The following USP13 variants were observed in gnomAD, a reference collection of about 807,000 sequenced individuals.
USP13 encodes the protein ubiquitin specific peptidase 13.
Under a neutral mutation model 107.8 loss-of-function variants are expected in USP13, and 68 were observed. The observed-to-expected ratio is 0.63, with a 90% CI of 0.52 to 0.77. The LOEUF (loss-of-function observed/expected upper bound fraction) is 0.77, where lower values mean the gene tolerates loss of function less well. Among genes scored for constraint, USP13 ranks in the 30% least tolerant of loss-of-function variants. USP13 has a pLI of 0.00. For missense variants in USP13, 945 were observed against 1,093.3 expected, an observed-to-expected ratio of 0.86 and a Z score of 1.91; for synonymous variants, 377 against 389.5, an observed-to-expected ratio of 0.97 and a Z score of 0.38.
intron 16 of USP13, among the ~76,000 whole-genome samples, chr3:179,758,123 G>A (rs946578259): frequency 1.3e-5 from 2 of 152,086 alleles, no homozygotes; most frequent in Admixed American, 1.3e-4. Context: ...GAAGGGCAAA[G>A]CAGGTGACAT....
Position 179,742,126 on chromosome 3 carries a change from G to A in USP13, c.1381-71G>A. On this transcript the variant is annotated intron_variant, in intron 11 of 20. Transcript: ENST00000263966. The surrounding 1 kb of genome is among the most constrained non-coding windows in gnomAD (Gnocchi z 5.0). ...GCCAAGTGTTTACACCGGGTTTAGA[G>A]TTCATTTTCTACTAAGTCTTAGTGG... The A allele has an allele frequency of 1.3e-6, 2 of 1,589,124 alleles. No homozygotes were observed. Among genetic ancestry groups the A allele is most frequent in the Admixed American group, 1.7e-5 (1 of 59,282 alleles).
At chr3:179,774,935 G>T (rs190062258) in intron 19 of USP13, among the ~76,000 whole-genome samples, 4 of 152,158 alleles carry the variant, frequency 2.6e-5, no homozygotes, top group Admixed American at 2.6e-4. Flanking sequence ...AGACATAAAA[G>T]TTCTCCAAGT....
chr3:179,770,133 G>T (rs1304922597), intron 19 of USP13, among the ~76,000 whole-genome samples: 1 of 151,936 alleles, frequency 6.6e-6, no homozygotes, highest in East Asian at 1.9e-4. Flanking sequence ...ATTTCCTTTG[G>T]CCAGTTTCCC....
intron 3 of USP13, among the ~76,000 whole-genome samples, chr3:179,697,361 C>A (rs1712362822): frequency 6.6e-6 from 1 of 152,186 alleles, no homozygotes; most frequent in African/African-American, 2.4e-5. Context: ...TCGCTTACCT[C>A]CAACAATTAA....
intron 2 of USP13, among the ~76,000 whole-genome samples, chr3:179,682,247 G>GA (rs55876994): frequency 4.1e-5 from 6 of 145,492 alleles, no homozygotes; most frequent in South Asian, 2.2e-4. Flanking sequence ...TGACTAATTG[G>GA]AAAAAAAAAA....
At chr3:179,744,912 C>A in intron 12 of USP13, 131 bp from the exon 13 acceptor site, 1 of 1,099,462 alleles carries the variant, frequency 9.1e-7, no homozygotes, top group Non-Finnish European at 1.3e-6. Flanking sequence ...GCATCTGGCT[C>A]TGTAAAGGGC....
chr3:179,712,720 T>C (rs1712974872), intron 6 of USP13, among the ~76,000 whole-genome samples: 1 of 152,178 alleles, frequency 6.6e-6, no homozygotes, highest in African/African-American at 2.4e-5. Context: ...GTTATTTCTT[T>C]AGAATAAATT....
intron 10 of USP13, among the ~76,000 whole-genome samples, chr3:179,731,873 G>GT (rs1261379876): frequency 6.6e-6 from 1 of 152,162 alleles, no homozygotes; most frequent in Non-Finnish European, 1.5e-5. Context: ...TGTCTCAAGT[G>GT]TTTATCTTAA....
intron 19 of USP13, among the ~76,000 whole-genome samples, chr3:179,781,427 G>T (rs17195983): frequency 0.09 from 13,673 of 152,124 alleles, 719 homozygotes; most frequent in Non-Finnish European, 0.12. Flanking sequence ...GATAGAGCCA[G>T]GACTACCCTT....
chr3:179,752,429 A>C, intron 14 of USP13, 56 bp downstream of exon 14: 1 of 1,353,666 alleles, frequency 7.4e-7, no homozygotes, highest in African/African-American at 1.4e-5. Flanking sequence ...TTTAAACAAC[A>C]TGGCATGTGA....
intron 12 of USP13, among the ~76,000 whole-genome samples, chr3:179,744,654 C>T (rs1714332022): frequency 6.6e-6 from 1 of 152,162 alleles, no homozygotes; most frequent in Non-Finnish European, 1.5e-5. Context: ...CTGTGAAATA[C>T]TCTGATGCGA....
At chr3:179,772,260 C>T (rs962804232) in intron 19 of USP13, among the ~76,000 whole-genome samples, 1 of 152,246 alleles carries the variant, frequency 6.6e-6, no homozygotes, top group Admixed American at 6.5e-5. Flanking sequence ...CCTATCGGGG[C>T]TTCTGCTATG....
chr3:179,715,559 T>C (rs1412654997), intron 6 of USP13, among the ~76,000 whole-genome samples: 1 of 150,980 alleles, frequency 6.6e-6, no homozygotes, highest in African/African-American at 2.4e-5. Context: ...GAGACGGGGT[T>C]TCACCATGTT....
chr3:179,770,899 C>T (rs1715324500), intron 19 of USP13, among the ~76,000 whole-genome samples: 1 of 152,088 alleles, frequency 6.6e-6, no homozygotes, highest in Non-Finnish European at 1.5e-5. Context: ...AGCCACTGCA[C>T]CCAGCTGAGA....
chr3:179,694,364 C>T (rs1560051356), intron 3 of USP13, among the ~76,000 whole-genome samples: 2 of 152,132 alleles, frequency 1.3e-5, no homozygotes, highest in Non-Finnish European at 2.9e-5. Context: ...GTGATGGCCT[C>T]ATGTTCACCA....
chr3:179,734,364 T>A (rs1056393175), intron 10 of USP13, among the ~76,000 whole-genome samples: 1 of 152,246 alleles, frequency 6.6e-6, no homozygotes, highest in Non-Finnish European at 1.5e-5. Context: ...AAGGCAGTGC[T>A]TTCAAATGTT....
intron 16 of USP13, among the ~76,000 whole-genome samples, chr3:179,758,733 C>T (rs539133129): frequency 6.6e-6 from 1 of 152,166 alleles, no homozygotes; most frequent in South Asian, 2.1e-4. Flanking sequence ...CTCCTGACCT[C>T]GTGATCCACC....
At chr3:179,665,409 A>G (rs1720558785) in intron 1 of USP13, among the ~76,000 whole-genome samples, 1 of 152,198 alleles carries the variant, frequency 6.6e-6, no homozygotes, top group African/African-American at 2.4e-5. Context: ...TTATGATAGT[A>G]ATTGGCTTAC....
intron 6 of USP13, among the ~76,000 whole-genome samples, chr3:179,710,602 A>G (rs1308348380): frequency 2.0e-5 from 3 of 152,238 alleles, no homozygotes; most frequent in African/African-American, 7.2e-5. Context: ...ACTTTTGTTA[A>G]TTGAACCAAC....
Sources: gnomAD v4.1 joint callset for allele counts (sites outside exome capture counted in the v4.1 genomes callset) on GRCh38, gnomAD v4.1.1 for gene constraint, Gnocchi (gnomAD v3.1) non-coding constraint, MANE v1.5 for transcripts, NCBI Gene and HGNC (gene_info 2026-07-23, HGNC 2026-07-21) for gene names.